PCDHA1: variants seen among roughly 807,000 people sequenced by gnomAD.
PCDHA1 encodes protocadherin alpha-1.
In PCDHA1, 42 loss-of-function variants were observed where a neutral mutation model predicts 61.3. The observed-to-expected ratio is 0.69, with a 90% confidence interval of 0.54 to 0.89. The LOEUF (loss-of-function observed/expected upper bound fraction) is 0.89, where lower values mean the gene tolerates loss of function less well. PCDHA1 is among the 40% of genes least tolerant of loss of function. PCDHA1 has a pLI of 0.00. For missense variants in PCDHA1, 1,256 were observed against 1,235.3 expected (o/e 1.02, Z -0.25); for synonymous variants, 610 against 553.8 (o/e 1.10, Z -1.43).
At chr5:140,885,592 G>T (rs1428219345) in intron 1 of PCDHA1, among the ~76,000 whole-genome samples, 3 of 152,102 alleles carry the variant, frequency 2.0e-5, no homozygotes, top group Non-Finnish European at 2.9e-5. Flanking sequence ...ATGCATCAAA[G>T]ATATTAATAA....
chr5:140,851,389 TCTATTATTTTAATAA>T, intron 1 of PCDHA1: 2 of 974,212 alleles, frequency 2.1e-6, no homozygotes, highest in Non-Finnish European at 2.5e-6. Flanking sequence ...ACCTTCAGTA[TCTATTATTTTAATAA>T]GAAAGAAACT....
chr5:140,912,860 G>A (rs1554195574), intron 1 of PCDHA1, among the ~76,000 whole-genome samples: 1 of 152,182 alleles, frequency 6.6e-6, no homozygotes, highest in African/African-American at 2.4e-5. Flanking sequence ...CAATTGAAAT[G>A]ATATATGGTT....
At chr5:140,849,200 C>A (rs2150432715) in intron 1 of PCDHA1, 44 of 1,040,882 alleles carry the variant, frequency 4.2e-5, no homozygotes, top group Non-Finnish European at 5.3e-5. Context: ...TACTGGACAA[C>A]AATGACAATG....
At chr5:140,824,610 G>GTTTTTTTTTTTTTTTTTTTTT (rs782443702) in intron 1 of PCDHA1, 4 of 95,110 alleles carry the variant, frequency 4.2e-5, no homozygotes, top group South Asian at 3.6e-4. Context: ...GCTAATTAAA[G>GTTTTTTTTTTTTTTTTTTTTT]TTTTTTTTTT....
intron 1 of PCDHA1, chr5:140,848,572 T>C: frequency 3.1e-6 from 5 of 1,595,304 alleles, no homozygotes; most frequent in African/African-American, 1.3e-5. Context: ...ATGTGGGTGG[T>C]GGGGAGCGGC....
At chr5:140,838,079 T>TATA (rs1775498021) in intron 1 of PCDHA1, among the ~76,000 whole-genome samples, 4 of 6,872 alleles carry the variant, frequency 5.8e-4, no homozygotes, top group African/African-American at 2.3e-3. Context: ...ATATATATAG[T>TATA]GTGTGTGTGT....
intron 1 of PCDHA1, chr5:140,870,360 C>T (rs1562642999): frequency 6.2e-7 from 1 of 1,614,166 alleles, no homozygotes; most frequent in Non-Finnish European, 8.5e-7. Context: ...ACGTGTGGGC[C>T]TATGAACTGG....
At chr5:140,801,603 G>A (rs781971806) in intron 1 of PCDHA1, 1 of 1,614,160 alleles carries the variant, frequency 6.2e-7, no homozygotes, top group Non-Finnish European at 8.5e-7. Context: ...TTTTCCAATG[G>A]CTGTAAAGAA....
At chr5:140,875,342 A>C in intron 1 of PCDHA1, 1 of 1,443,152 alleles carries the variant, frequency 6.9e-7, no homozygotes, top group Non-Finnish European at 9.1e-7. Context: ...GATCGACTCC[A>C]TAATGACTGT....
At chr5:140,838,112 G>C (rs950197929) in intron 1 of PCDHA1, among the ~76,000 whole-genome samples, 3 of 149,312 alleles carry the variant, frequency 2.0e-5, no homozygotes, top group Non-Finnish European at 4.5e-5. Context: ...GTGTGTGTGT[G>C]TGTGTGTGTG....
intron 1 of PCDHA1, chr5:140,968,987 T>C: frequency 6.2e-7 from 1 of 1,614,224 alleles, no homozygotes; most frequent in Non-Finnish European, 8.5e-7. Context: ...TGGCACTGCA[T>C]GCTGTGGAGG....
chr5:141,000,734 T>A (rs1221425075), intron 3 of PCDHA1, among the ~76,000 whole-genome samples: 4 of 150,588 alleles, frequency 2.7e-5, no homozygotes, highest in Non-Finnish European at 4.4e-5. Flanking sequence ...GGCCCCTATC[T>A]CTGTATATTA....
At chr5:140,937,839 A>G (rs2091791639) in intron 1 of PCDHA1, among the ~76,000 whole-genome samples, 1 of 150,456 alleles carries the variant, frequency 6.6e-6, no homozygotes, top group Non-Finnish European at 1.5e-5. Flanking sequence ...ATGAACCTGG[A>G]AGGCGGAACT....
chr5:140,927,226 A>G, intron 1 of PCDHA1: 4 of 1,613,996 alleles, frequency 2.5e-6, no homozygotes, highest in Non-Finnish European at 3.4e-6. Context: ...CAAGATTCGG[A>G]TTCACGTCCT....
intron 1 of PCDHA1, chr5:140,816,314 T>C (rs1409404833): frequency 6.6e-6 from 1 of 152,232 alleles, no homozygotes; most frequent in Non-Finnish European, 1.5e-5. Flanking sequence ...AAATTTTCAG[T>C]TCAATTATTG....
chr5:140,882,717 C>G (rs1311295002), intron 1 of PCDHA1: 1 of 1,614,102 alleles, frequency 6.2e-7, no homozygotes, highest in South Asian at 1.1e-5. Flanking sequence ...CCTCCGGAAA[C>G]TCGATTTCCA....
At chr5:140,852,945 C>G in intron 1 of PCDHA1, 1 of 522,890 alleles carries the variant, frequency 1.9e-6, no homozygotes, top group Non-Finnish European at 2.5e-6. Context: ...GTGGTGCCAT[C>G]TTGGCTCACT....
rs2150178565 is a variant in PCDHA1, at chr5:140,829,957, T to C, written c.2394+41273T>C. ...CGGCAAGCAGCGCTCGCTTCCCGTT[T>C]CGCGTGGGGCTGTACACGGGCGAGA... On this transcript the variant is annotated intron_variant, in intron 1 of 3. Transcript: ENST00000504120. 2.4e-5 allele frequency: 39 copies of C among 1,613,964 alleles called. No homozygotes were observed. In the East Asian group the frequency reaches 3.1e-4, roughly 13 times the overall value.
At position 140,821,683 on chromosome 5, in the gene PCDHA1, A is replaced by C. The variant is rs2150110086; in HGVS notation, c.2394+32999A>C. ...GTGCCAAGAAGCTCAGAAAGGCGAT[A>C]ATATAAAAAATATATAGTTAATTGG... On this transcript the variant is annotated intron_variant, in intron 1 of 3. Transcript: ENST00000504120. 13 of 1,347,802 alleles carry C rather than the reference A, an allele frequency of 9.6e-6. No individual in the cohort carries two copies. In the South Asian group the frequency reaches 1.5e-4, roughly 15 times the overall value. 83.5% of individuals were successfully genotyped at this position (1,347,802 alleles called of 1,614,324 possible).
Sources: gnomAD v4.1 joint callset for allele counts (sites outside exome capture counted in the v4.1 genomes callset) on GRCh38, gnomAD v4.1.1 for gene constraint, MANE v1.5 for transcripts, NCBI Gene and HGNC (gene_info 2026-07-23, HGNC 2026-07-21) for gene names.